Variants in HERPUD2 observed in about 807,000 individuals in gnomAD.
The protein encoded by HERPUD2 is homocysteine-responsive endoplasmic reticulum-resident ubiquitin-like domain member 2 protein.
In HERPUD2, 13 loss-of-function variants were observed where a neutral mutation model predicts 49.9. The ratio of observed to expected loss-of-function variants is 0.26; its 90% CI spans 0.17 to 0.41. HERPUD2 has a LOEUF of 0.41. Ranked by LOEUF, HERPUD2 falls within the 10% of genes least tolerant of loss-of-function variation. The pLI is 1.00. For synonymous variants in HERPUD2, 172 were observed against 171.4 expected (o/e 1.00, Z -0.03); for missense variants, 449 against 492.2 (o/e 0.91, Z 0.83).
chr7:35,643,694 T>G (rs995663102), intron 5 of HERPUD2, among the ~76,000 whole-genome samples: 10 of 151,232 alleles, frequency 6.6e-5, no homozygotes, highest in African/African-American at 2.4e-4. Flanking sequence ...TAATAAATTA[T>G]TATGGAAAGG....
At chr7:35,664,795 T>C (rs1352749186) in intron 5 of HERPUD2, among the ~76,000 whole-genome samples, 2 of 152,236 alleles carry the variant, frequency 1.3e-5, no homozygotes, top group African/African-American at 4.8e-5. Context: ...ATTTGTCTAC[T>C]CTTTTTTCAA....
At position 35,670,210 on chromosome 7, in the gene HERPUD2, C is replaced by A; in HGVS notation, c.339+5G>T. On this transcript the variant is annotated splice_donor_5th_base_variant and intron_variant, in intron 4 of 8. Transcript: ENST00000311350. ...TCAATGTTTACTCCTCCCAAAACAACTCACAGAATTGCTGCTGGATGCCAA... is the reference window on the plus strand; with the variant it reads ...TCAATGTTTACTCCTCCCAAAACAAATCACAGAATTGCTGCTGGATGCCAA... The A allele has an allele frequency of 6.8e-7, 1 of 1,461,972 alleles. No homozygotes were observed. Among genetic ancestry groups the A allele is most frequent in the South Asian group, 1.3e-5 (1 of 77,238 alleles). 90.6% of individuals were successfully genotyped at this position (1,461,972 alleles called of 1,614,324 possible).
At chr7:35,665,011 G>T (rs57330029) in intron 5 of HERPUD2, among the ~76,000 whole-genome samples, 4,367 of 152,276 alleles carry the variant, frequency 0.029, 183 homozygotes, top group African/African-American at 0.097. Flanking sequence ...GCCTTATGAA[G>T]TGCCAGTCGC....
At chr7:35,651,054 A>ATG (rs1256629172) in intron 5 of HERPUD2, among the ~76,000 whole-genome samples, 2 of 152,126 alleles carry the variant, frequency 1.3e-5, no homozygotes, top group Admixed American at 1.3e-4. Context: ...GCAGACACCC[A>ATG]TGTGCATGCA....
chr7:35,635,090 C>G (rs1321307941), intron 7 of HERPUD2, 45 bp downstream of exon 7: 1 of 1,412,054 alleles, frequency 7.1e-7, no homozygotes, highest in Non-Finnish European at 1.0e-6. Flanking sequence ...CTGTGCTGAA[C>G]AGTTGCAGAA....
At chr7:35,670,376 C>G in intron 3 of HERPUD2, 48 bp from the exon 4 acceptor site, 1 of 901,160 alleles carries the variant, frequency 1.1e-6, no homozygotes, top group South Asian at 2.7e-5. Context: ...ACAAAATGTA[C>G]AGTTCAAAAA....
rs1786274577 is a variant in HERPUD2 at position 35,694,581 on chromosome 7, C to G, written c.-251G>C. The G allele has an allele frequency of 1.9e-6, 1 of 528,618 alleles. No homozygotes were observed. The highest frequency in any genetic ancestry group is 3.4e-6 in the Non-Finnish European group (1 of 292,528). The allele number at this position is 528,618 out of a possible 1,614,324, so 32.7% of individuals were successfully genotyped here. Reference sequence around the variant, plus strand: ...GGCAGCTCTCCCCGCCAGGTCCGGGCTCCGCCGGGCTCCGGACTGTGGAGG... The same window carrying G: ...GGCAGCTCTCCCCGCCAGGTCCGGGGTCCGCCGGGCTCCGGACTGTGGAGG... On this transcript the variant is annotated 5_prime_UTR_variant, in exon 2 of 9. Coordinates refer to ENST00000311350, the MANE Select transcript of HERPUD2 (RefSeq NM_022373.5).
chr7:35,650,372 C>A (rs1041278817), intron 5 of HERPUD2, among the ~76,000 whole-genome samples: 3 of 152,110 alleles, frequency 2.0e-5, no homozygotes, highest in Non-Finnish European at 4.4e-5. Context: ...CTCCTGTAAT[C>A]CTAGCCACAA....
intron 2 of HERPUD2, among the ~76,000 whole-genome samples, chr7:35,692,670 T>C (rs1406284705): frequency 2.6e-5 from 4 of 152,236 alleles, no homozygotes; most frequent in Non-Finnish European, 5.9e-5. Flanking sequence ...TAAAAATATT[T>C]GTATCACAAA....
chr7:35,650,661 C>T (rs772585033), intron 5 of HERPUD2, among the ~76,000 whole-genome samples: 1 of 152,174 alleles, frequency 6.6e-6, no homozygotes, highest in Non-Finnish European at 1.5e-5. Context: ...CAACCCCACA[C>T]CTGTGAACGG....
chr7:35,689,268 A>G (rs1786131343), intron 2 of HERPUD2, among the ~76,000 whole-genome samples: 1 of 152,224 alleles, frequency 6.6e-6, no homozygotes, highest in Non-Finnish European at 1.5e-5. Flanking sequence ...TTTTTCATCA[A>G]CTTTCACATT....
intron 2 of HERPUD2, among the ~76,000 whole-genome samples, chr7:35,678,842 A>G (rs1785820724): frequency 6.6e-6 from 1 of 152,162 alleles, no homozygotes; most frequent in Non-Finnish European, 1.5e-5. Context: ...ATTAAACTGT[A>G]AAAGTAATGG....
intron 2 of HERPUD2, among the ~76,000 whole-genome samples, chr7:35,682,288 CGTGTGTGTGTGTATATATAGATATAT>C (rs1785916192): frequency 4.5e-5 from 1 of 22,006 alleles, no homozygotes; most frequent in African/African-American, 1.7e-4. Context: ...CACATACACA[CGTGTGTGTGTGTATATATAGATATAT>C]ACACATACAC....
rs148168186 is a variant in HERPUD2, at chr7:35,658,941, A to G, written c.494+8493T>C. Among the ~76,000 whole-genome samples the G allele has an allele frequency of 1.7e-3, 255 of 152,362 alleles. 2 individuals are homozygous for G. Among genetic ancestry groups the G allele is most frequent in the African/African-American group, 6.0e-3 (250 of 41,586 alleles). The stretch of plus-strand genomic sequence containing the variant: ...GTTCCCAGGGTATTGTTAGATTGGC[A>G]GACTTCTGAACACCATCTCAAAACT... On this transcript the variant is annotated intron_variant, in intron 5 of 8. Coordinates refer to ENST00000311350, the MANE Select transcript of HERPUD2 (RefSeq NM_022373.5).
At chr7:35,647,681 T>G (rs1035523195) in intron 5 of HERPUD2, among the ~76,000 whole-genome samples, 1 of 152,102 alleles carries the variant, frequency 6.6e-6, no homozygotes, top group Non-Finnish European at 1.5e-5. Flanking sequence ...ATAGACAAAA[T>G]AGTCACTTCG....
At chr7:35,639,130 G>A (rs1460875662) in intron 5 of HERPUD2, among the ~76,000 whole-genome samples, 2 of 151,760 alleles carry the variant, frequency 1.3e-5, no homozygotes, top group Non-Finnish European at 2.9e-5. Flanking sequence ...CTGGATTCAA[G>A]CAATTCTCCT....
Position 35,682,353 on chromosome 7 carries a change from GTGTGTATATATATATATATA to G in HERPUD2, c.148-9095_148-9076del, listed in dbSNP as rs1785928264. Among the ~76,000 whole-genome samples, 13 of 27,592 alleles carry G rather than the reference GTGTGTATATATATATATATA, an allele frequency of 4.7e-4. 2 individuals are homozygous for G. Among genetic ancestry groups the G allele is most frequent in the South Asian group, 4.2e-3 (3 of 708 alleles). The allele number at this position is 27,592 out of a possible 152,430, so 18.1% of individuals were successfully genotyped here. A position where few individuals can be genotyped will look rare whatever the true frequency, so the allele number is the denominator to read the frequency against. On this transcript the variant is annotated intron_variant, in intron 2 of 8. Transcript: ENST00000311350. ...TGTGTGTGTGTGTGTGTGTGTGTGT[GTGTGTATATATATATATATA>G]TATATATATATATACTTAATCGGCA...
chr7:35,644,122 T>C (rs1785010875), intron 5 of HERPUD2, among the ~76,000 whole-genome samples: 1 of 152,168 alleles, frequency 6.6e-6, no homozygotes, highest in South Asian at 2.1e-4. Flanking sequence ...GATATATAAA[T>C]ACACATACCA....
rs554691595 is a variant in HERPUD2, at chr7:35,682,257, G to A, written c.148-8979C>T. Among the ~76,000 whole-genome samples the A allele has an allele frequency of 4.9e-3, 405 of 82,674 alleles. 15 individuals are homozygous for A. Among genetic ancestry groups the A allele is most frequent in the African/African-American group, 0.018 (365 of 20,090 alleles). The allele number at this position is 82,674 out of a possible 152,430, so 54.2% of individuals were successfully genotyped here. Reference sequence around the variant, plus strand: ...GATATATACACATACACACGTGTGTGTGTGTATATATAGATATATACACAT... The same window carrying A: ...GATATATACACATACACACGTGTGTATGTGTATATATAGATATATACACAT... On this transcript the variant is annotated intron_variant, in intron 2 of 8. Transcript: ENST00000311350.
Sources: gnomAD v4.1 joint callset for allele counts (sites outside exome capture counted in the v4.1 genomes callset) on GRCh38, gnomAD v4.1.1 for gene constraint, MANE v1.5 for transcripts, NCBI Gene and HGNC (gene_info 2026-07-23, HGNC 2026-07-21) for gene names.